The following COPS7B variants were observed in gnomAD, a reference collection of about 807,000 sequenced individuals.
COPS7B encodes the protein COP9 signalosome complex subunit 7b.
Under a neutral mutation model 33.4 loss-of-function variants are expected in COPS7B, and 9 were observed. The ratio of observed to expected loss-of-function variants is 0.27; its 90% CI spans 0.16 to 0.47. The LOEUF (loss-of-function observed/expected upper bound fraction) is 0.47, where lower values mean the gene tolerates loss of function less well. Among genes scored for constraint, COPS7B ranks in the 20% least tolerant of loss-of-function variants. The probability of loss-of-function intolerance (pLI) is 0.99; values close to 1 mark genes in which losing one functional copy is unlikely to be tolerated. For missense variants in COPS7B, 242 were observed against 318.2 expected (o/e 0.76, Z 1.82); for synonymous variants, 119 against 126.3 (o/e 0.94, Z 0.39).
Position 231,794,256 on chromosome 2 carries a change from T to G in COPS7B, c.239-7T>G. The stretch of plus-strand genomic sequence containing the variant: ...TCTTGATTTTTGTGGTGGGTGGGAC[T>G]GAGCAGCCAACAAGGAGAGCCTGCC... On this transcript the variant is annotated splice_polypyrimidine_tract_variant and splice_region_variant and intron_variant, in intron 3 of 6. Transcript: ENST00000350033. 6.2e-7 allele frequency: 1 copy of G among 1,612,664 alleles called. No homozygotes were observed. The highest frequency in any genetic ancestry group is 8.5e-7 in the Non-Finnish European group (1 of 1,178,780).
At chr2:231,801,910 G>T (rs994744804) in intron 6 of COPS7B, among the ~76,000 whole-genome samples, 3 of 152,082 alleles carry the variant, frequency 2.0e-5, no homozygotes, top group South Asian at 2.1e-4. Context: ...GAGTAGCTGG[G>T]ATTACAGGTG....
At chr2:231,791,181 A>G (rs1166152210) in intron 2 of COPS7B, 1 of 154,924 alleles carries the variant, frequency 6.5e-6, no homozygotes, top group Admixed American at 6.5e-5. Flanking sequence ...AGAGTAAGTA[A>G]TTTTAATGAA....
rs146846037 is a variant in COPS7B at position 231,806,077 on chromosome 2, A to G, written c.637-1410A>G. Reference sequence around the variant, plus strand: ...CCCCTGTCTCAAAATAGTGACAACAAAAAACAATTTATGATCTAGTTAAGG... The same window carrying G: ...CCCCTGTCTCAAAATAGTGACAACAGAAAACAATTTATGATCTAGTTAAGG... On this transcript the variant is annotated intron_variant, in intron 6 of 6. Coordinates refer to ENST00000350033, the MANE Select transcript of COPS7B (RefSeq NM_022730.4). Among the ~76,000 whole-genome samples, 26 of 152,184 alleles carry G rather than the reference A, an allele frequency of 1.7e-4. 1 individual carries two copies. The highest frequency in any genetic ancestry group is 5.3e-4 in the African/African-American group (22 of 41,518).
At chr2:231,787,244 T>G (rs767028863) in intron 1 of COPS7B, among the ~76,000 whole-genome samples, 2 of 152,196 alleles carry the variant, frequency 1.3e-5, no homozygotes, top group Non-Finnish European at 2.9e-5. Context: ...CCTTCTTAGG[T>G]AACCCTAAGT....
At position 231,786,520 on chromosome 2, in the gene COPS7B, C is replaced by T. The variant is rs984581402; in HGVS notation, c.-35C>T. On this transcript the variant is annotated 5_prime_UTR_variant, in exon 1 of 7. Coordinates refer to ENST00000350033, the MANE Select transcript of COPS7B (RefSeq NM_022730.4). ...AGGCCGAGCCAGCGACTAAGAGGAC[C>T]GAGAGGTGGCGTGGACAGGTAGGAG... is the stretch of plus-strand genomic sequence containing the variant. 1.2e-5 allele frequency: 12 copies of T among 985,784 alleles called. No homozygotes were observed. The African/African-American group carries it at 1.6e-4, about 13-fold the overall frequency. The allele number at this position is 985,784 out of a possible 1,614,324, so 61.1% of individuals were successfully genotyped here. A position where few individuals can be genotyped will look rare whatever the true frequency, so the allele number is the denominator to read the frequency against.
At chr2:231,783,631 TAC>T (rs2049176754), upstream of COPS7B, among the ~76,000 whole-genome samples, 1 of 152,344 alleles carries the variant, frequency 6.6e-6, no homozygotes, top group East Asian at 1.9e-4. Context: ...TGTAGTTCTT[TAC>T]AGTCTGGATA....
At chr2:231,803,510 A>G (rs187290708) in intron 6 of COPS7B, among the ~76,000 whole-genome samples, 1 of 152,316 alleles carries the variant, frequency 6.6e-6, no homozygotes, top group Non-Finnish European at 1.5e-5. Context: ...TGAGCCCCTA[A>G]AAAAGCTGAA....
intron 5 of COPS7B, among the ~76,000 whole-genome samples, chr2:231,798,447 G>T (rs2049643047): frequency 6.6e-6 from 1 of 151,662 alleles, no homozygotes; most frequent in South Asian, 2.1e-4. Context: ...AGTAGAGATG[G>T]GGTTTCACTG....
chr2:231,799,103 G>T (rs1249837212), intron 6 of COPS7B, 139 bp downstream of exon 6: 6 of 694,904 alleles, frequency 8.6e-6, no homozygotes, highest in African/African-American at 7.1e-5. Context: ...CTAGGTGCTG[G>T]GTTACAGGGA....
intron 2 of COPS7B, chr2:231,791,247 G>A (rs2049408348): frequency 6.4e-6 from 1 of 156,436 alleles, no homozygotes; most frequent in Non-Finnish European, 1.4e-5. Context: ...CTGGCTTTCT[G>A]TCATACCTTA....
Position 231,808,477 on chromosome 2 carries a change from T to A in COPS7B, c.*832T>A, listed in dbSNP as rs1257704997. 1.7e-5 allele frequency: 8 copies of A among 471,360 alleles called. 1 individual carries two copies. Among genetic ancestry groups the A allele is most frequent in the Middle Eastern group, 3.2e-4 (1 of 3,102 alleles). The allele number at this position is 471,360 out of a possible 1,614,324, so 29.2% of individuals were successfully genotyped here. On this transcript the variant is annotated 3_prime_UTR_variant, in exon 7 of 7. Transcript: ENST00000350033. ...TGCTTGCTCTCCCAAGATCTTTAAC[T>A]CCTCCTGGCTGCACCTGGGTAGGGA... is the stretch of plus-strand genomic sequence containing the variant.
chr2:231,783,942 TC>T (rs1574645756), upstream of COPS7B, among the ~76,000 whole-genome samples: 4 of 152,192 alleles, frequency 2.6e-5, no homozygotes, highest in Admixed American at 2.6e-4. Context: ...GTGCAATAGT[TC>T]CGTGCTTTTT....
At chr2:231,786,383 A>G (rs958467118), upstream of COPS7B, 2 of 936,764 alleles carry the variant, frequency 2.1e-6, no homozygotes, top group Admixed American at 1.2e-4. Context: ...ACGCGAGTGC[A>G]GCGGTGGGAG....
At chr2:231,799,088 C>T (rs2106333927) in intron 6 of COPS7B, 124 bp downstream of exon 6, 1 of 785,498 alleles carries the variant, frequency 1.3e-6, no homozygotes. Context: ...ACAAGTGGGC[C>T]TGGGCTAGGT....
chr2:231,807,606 G>T lies in COPS7B; in HGVS notation c.756G>T (p.Lys252Asn). ...PHAEQRQPTK[K>N]MSKVKGLVSS... ...CTGAGCAGAGGCAGCCCACCAAGAA[G>T]ATGTCCAAAGTGAAAGGTCTGGTCT... The change falls in exon 7 of 7, where the codon AAG becomes AAT. Residue 252 changes from lysine (K) to asparagine (N), a missense_variant. By Grantham distance (94) the Lys-to-Asn change is moderately conservative. Transcript: ENST00000350033. 6.4e-7 allele frequency: 1 copy of T among 1,574,450 alleles called. No homozygotes were observed.
rs1559380589 is a variant in COPS7B at position 231,807,493 on chromosome 2, A to G, written c.643A>G (p.Asn215Asp). 1 of 1,611,820 alleles carries G rather than the reference A, an allele frequency of 6.2e-7. No homozygotes were observed. The highest frequency in any genetic ancestry group is 8.5e-7 in the Non-Finnish European group (1 of 1,178,912). ...TTCTATATCTCCCCACCAGGTTACC[A>G]ACATCAAGAAGACACTCAAAGCCAC... ...TQQQVEAEVTNIKKTLKATAS... is the reference protein window; with the variant it reads ...TQQQVEAEVTDIKKTLKATAS... Residue 215 changes from asparagine to aspartate, a missense_variant, in exon 7 of 7, where the codon AAC (asparagine) becomes GAC (aspartate). By Grantham distance (23) the Asn-to-Asp change is conservative. Coordinates refer to ENST00000350033, the MANE Select transcript of COPS7B (RefSeq NM_022730.4).
At chr2:231,787,144 G>T (rs767604531) in intron 1 of COPS7B, among the ~76,000 whole-genome samples, 2 of 151,426 alleles carry the variant, frequency 1.3e-5, no homozygotes, top group Non-Finnish European at 2.9e-5. Context: ...CTTCTTCCTC[G>T]TATCCTCTCC....
intron 6 of COPS7B, chr2:231,801,424 T>A: frequency 1.8e-6 from 1 of 544,242 alleles, no homozygotes; most frequent in Non-Finnish European, 2.3e-6. Context: ...CTTTCACATT[T>A]AAATTTGATT....
At chr2:231,806,601 C>T (rs2049901940) in intron 6 of COPS7B, among the ~76,000 whole-genome samples, 1 of 151,632 alleles carries the variant, frequency 6.6e-6, no homozygotes. Flanking sequence ...TATTTGACTG[C>T]ACTGTTCTTC....
Sources: gnomAD v4.1 joint callset for allele counts (sites outside exome capture counted in the v4.1 genomes callset) on GRCh38, gnomAD v4.1.1 for gene constraint, MANE v1.5 for transcripts, NCBI Gene and HGNC (gene_info 2026-07-23, HGNC 2026-07-21) for gene names.